Variants in PTPRM observed in about 807,000 individuals in gnomAD.
The protein encoded by PTPRM is protein tyrosine phosphatase receptor type M, also known as receptor-type tyrosine-protein phosphatase mu.
PTPRM carries 47 observed loss-of-function variants against 186.7 expected under a neutral mutation model. The ratio of observed to expected loss-of-function variants is 0.25; its 90% CI spans 0.20 to 0.32. PTPRM has a LOEUF of 0.32. PTPRM is among the 10% of genes least tolerant of loss of function. The pLI is 1.00. For missense variants in PTPRM, 1,494 were observed against 1,865.0 expected, an observed-to-expected ratio of 0.80 and a Z score of 3.66; for synonymous variants, 668 against 674.9, an observed-to-expected ratio of 0.99 and a Z score of 0.16.
At chr18:7,871,094 C>A (rs982826022) in intron 2 of PTPRM, among the ~76,000 whole-genome samples, 4 of 152,172 alleles carry the variant, frequency 2.6e-5, no homozygotes, top group Non-Finnish European at 5.9e-5. Flanking sequence ...CGCAAGAGCC[C>A]AGTTGCTTTC....
intron 19 of PTPRM, among the ~76,000 whole-genome samples, chr18:8,253,895 C>T (rs901994012): frequency 6.6e-6 from 1 of 152,136 alleles, no homozygotes; most frequent in Non-Finnish European, 1.5e-5. Flanking sequence ...ACCAGGGTCT[C>T]TTCCCCTCCC....
chr18:8,188,517 C>T (rs1395934859), intron 14 of PTPRM, among the ~76,000 whole-genome samples: 1 of 152,160 alleles, frequency 6.6e-6, no homozygotes, highest in Non-Finnish European at 1.5e-5. Context: ...AGCCCCACAC[C>T]GTGACGAAAC....
chr18:7,975,736 G>A (rs2054889586), intron 7 of PTPRM, among the ~76,000 whole-genome samples: 2 of 152,150 alleles, frequency 1.3e-5, no homozygotes, highest in Non-Finnish European at 2.9e-5. Flanking sequence ...CAGTAACATG[G>A]TGTATATGTC....
rs2095905675 is a variant in PTPRM, at chr18:8,406,218, A to G, written c.*56A>G. On this transcript the variant is annotated 3_prime_UTR_variant, in exon 33 of 33. Transcript: ENST00000580170. ...TCATACCACAAAGCCAAGACGTTCC[A>G]TGGTATTTGTGCAAAAGAGATGAAG... is the stretch of plus-strand genomic sequence containing the variant. The G allele has an allele frequency of 6.6e-7, 1 of 1,521,236 alleles. No individual in the cohort carries two copies. Among genetic ancestry groups the G allele is most frequent in the East Asian group, 2.3e-5 (1 of 44,290 alleles). 94.2% of individuals were successfully genotyped at this position (1,521,236 alleles called of 1,614,324 possible).
chr18:8,393,557 T>C (rs2095828645), intron 31 of PTPRM, among the ~76,000 whole-genome samples: 1 of 152,194 alleles, frequency 6.6e-6, no homozygotes, highest in African/African-American at 2.4e-5. Flanking sequence ...ACTAGTAAGA[T>C]GTGACTACAG....
At chr18:7,763,365 G>A (rs594771) in intron 1 of PTPRM, among the ~76,000 whole-genome samples, 77,116 of 151,954 alleles carry the variant, frequency 0.51, 20,434 homozygotes, top group East Asian at 0.87. Context: ...TGTTTGGAGC[G>A]TAAGATTGTT....
At chr18:7,933,804 A>G (rs1296447730) in intron 5 of PTPRM, among the ~76,000 whole-genome samples, 2 of 152,196 alleles carry the variant, frequency 1.3e-5, no homozygotes, top group South Asian at 2.1e-4. Flanking sequence ...ATGGTCTTTG[A>G]TGAGAGGAGC....
At chr18:8,190,487 T>C (rs1366591104) in intron 14 of PTPRM, among the ~76,000 whole-genome samples, 2 of 152,206 alleles carry the variant, frequency 1.3e-5, no homozygotes, top group Non-Finnish European at 2.9e-5. Flanking sequence ...AGCACAGTTA[T>C]AGCTGCTCAC....
At chr18:7,772,377 T>TTCTTTCTTTCTTTCTTTC (rs1303895224) in intron 1 of PTPRM, among the ~76,000 whole-genome samples, 5 of 136,802 alleles carry the variant, frequency 3.7e-5, no homozygotes, top group African/African-American at 1.4e-4. Flanking sequence ...CTTTCTTTCT[T>TTCTTTCTTTCTTTCTTTC]TCTTTCTTTC....
chr18:8,264,501 T>C lies in PTPRM; in HGVS notation c.2754+11087T>C, dbSNP rs139053770. ...AAAGAACACACCAGGCCGGGCGTGG[T>C]GGCTCACTCCTGTAATCCCAGCACT... On this transcript the variant is annotated intron_variant, in intron 19 of 32. Transcript: ENST00000580170. Among the ~76,000 whole-genome samples, 763 of 152,180 alleles carry C rather than the reference T, an allele frequency of 5.0e-3. 1 individual carries two copies. The highest frequency in any genetic ancestry group is 0.018 in the African/African-American group (735 of 41,522).
intron 32 of PTPRM, among the ~76,000 whole-genome samples, chr18:8,401,572 A>G (rs1003155819): frequency 6.6e-6 from 1 of 152,202 alleles, no homozygotes; most frequent in Non-Finnish European, 1.5e-5. Context: ...CTTAGTTTCA[A>G]AAGCAACCAG....
chr18:8,313,643 T>C (rs747115979), intron 20 of PTPRM, among the ~76,000 whole-genome samples: 2 of 151,958 alleles, frequency 1.3e-5, no homozygotes, highest in Non-Finnish European at 2.9e-5. Context: ...TTTGGCTACA[T>C]GAATGAGTTC....
intron 14 of PTPRM, among the ~76,000 whole-genome samples, chr18:8,170,898 A>G (rs940310854): frequency 2.0e-5 from 3 of 152,220 alleles, no homozygotes; most frequent in Admixed American, 6.5e-5. Flanking sequence ...AGTCCAAAAT[A>G]AAACCATTCA....
chr18:8,113,255 C>T (rs2091833547), intron 11 of PTPRM, among the ~76,000 whole-genome samples: 1 of 152,176 alleles, frequency 6.6e-6, no homozygotes, highest in South Asian at 2.1e-4. Flanking sequence ...TTGTTTCTCT[C>T]ACTAAATAGT....
At chr18:8,077,642 C>T (rs952544494) in intron 9 of PTPRM, among the ~76,000 whole-genome samples, 3 of 152,108 alleles carry the variant, frequency 2.0e-5, no homozygotes, top group Non-Finnish European at 4.4e-5. Flanking sequence ...TATTTTTTCT[C>T]AGTGATGAGA....
At chr18:7,768,647 TA>T (rs10615909) in intron 1 of PTPRM, among the ~76,000 whole-genome samples, 2,025 of 88,044 alleles carry the variant, frequency 0.023, 31 homozygotes, top group African/African-American at 0.1. Context: ...TATATATATA[TA>T]TTTTTTTTTT....
chr18:8,053,438 C>T (rs1189372412), intron 7 of PTPRM, among the ~76,000 whole-genome samples: 3 of 152,050 alleles, frequency 2.0e-5, no homozygotes, highest in Non-Finnish European at 4.4e-5. Flanking sequence ...TCCACTTCTC[C>T]TAGCACCACT....
chr18:7,684,299 AAAAAT>A (rs562342401), intron 1 of PTPRM, among the ~76,000 whole-genome samples: 1,686 of 152,240 alleles, frequency 0.011, 33 homozygotes, highest in African/African-American at 0.039. Flanking sequence ...TCATTTAAAA[AAAAAT>A]AAATAAATAA....
At chr18:7,795,810 CTTTTTTTTTTT>C (rs397741769) in intron 2 of PTPRM, among the ~76,000 whole-genome samples, 5 of 117,742 alleles carry the variant, frequency 4.2e-5, no homozygotes, top group African/African-American at 1.3e-4. Flanking sequence ...TTCTTTCTTT[CTTTTTTTTTTT>C]TTTTTTTTAG....
Sources: allele counts gnomAD v4.1 joint callset (sites outside exome capture counted in the v4.1 genomes callset), GRCh38; gene constraint gnomAD v4.1.1; transcripts MANE v1.5; gene names NCBI Gene and HGNC (gene_info 2026-07-23, HGNC 2026-07-21).